Variants in RUVBL2 observed in about 807,000 individuals in gnomAD.
RUVBL2 encodes the protein ruvB-like 2.
A neutral mutation model predicts 57.9 loss-of-function variants in RUVBL2; 9 were observed. The ratio of observed to expected loss-of-function variants is 0.16; its 90% confidence interval spans 0.09 to 0.27. The LOEUF is 0.27. Ranked by LOEUF, RUVBL2 falls within the 10% of genes least tolerant of loss-of-function variation. RUVBL2 has a pLI of 1.00. For missense variants in RUVBL2, 456 were observed against 669.6 expected (o/e 0.68, Z 3.52); for synonymous variants, 278 against 264.6 (o/e 1.05, Z -0.49).
chr19:49,011,054 T>G lies in RUVBL2; in HGVS notation c.843T>G (p.Ala281=). 27 of 1,611,250 alleles carry G rather than the reference T, an allele frequency of 1.7e-5. No individual in the cohort carries two copies. The highest frequency in any genetic ancestry group is 2.3e-5 in the Non-Finnish European group (27 of 1,179,640). Reference sequence around the variant, plus strand: ...GTGAGCAGATCAATGCCAAGGTGGCTGAGTGGCGCGAGGAGGGCAAGGCGG... The same window carrying G: ...GTGAGCAGATCAATGCCAAGGTGGCGGAGTGGCGCGAGGAGGGCAAGGCGG... The part of the protein sequence containing the change: ...EVREQINAKV[A]EWREEGKAEI... The change falls in exon 10 of 15, where the codon GCT becomes GCG. Residue 281 remains alanine, a synonymous_variant. Transcript: ENST00000595090. This position sits in a 1 kb window ranked among gnomAD's most constrained non-coding sequence, Gnocchi z 4.4.
chr19:49,010,057 G>A lies in RUVBL2; in HGVS notation c.654G>A (p.Met218Ile). Residue 218 changes from methionine (M) to isoleucine (I), a missense_variant, in exon 8 of 15, where the codon ATG becomes ATA. Coordinates refer to ENST00000595090, the MANE Select transcript of RUVBL2 (RefSeq NM_006666.3). ...CACGCGCCCGCGACTACGACGCTAT[G>A]GGCTCCCAGGTGCGGCCGGGACTCC... ...SFTRARDYDA[M>I]GSQTKFVQCP... The A allele has an allele frequency of 2.5e-6, 4 of 1,602,202 alleles. No homozygotes were observed. The highest frequency in any genetic ancestry group is 2.6e-6 in the Non-Finnish European group (3 of 1,174,972).
Position 49,000,302 on chromosome 19 carries a change from T to C in RUVBL2, c.67+929T>C, listed in dbSNP as rs367893900. Reference sequence around the variant, plus strand: ...GGGTGCAGTGGCTCATGCCTGTAATTCCAGCACTTTGGAAGGCCAAGGTGG... The same window carrying C: ...GGGTGCAGTGGCTCATGCCTGTAATCCCAGCACTTTGGAAGGCCAAGGTGG... On this transcript the variant is annotated intron_variant, in intron 2 of 14. Coordinates refer to ENST00000595090, the MANE Select transcript of RUVBL2 (RefSeq NM_006666.3). Among the ~76,000 whole-genome samples the C allele has an allele frequency of 4.8e-3, 727 of 152,318 alleles. 5 individuals are homozygous for C. The highest frequency in any genetic ancestry group is 0.016 in the African/African-American group (684 of 41,572).
chr19:49,002,205 C>T (rs1045676326), intron 2 of RUVBL2, among the ~76,000 whole-genome samples: 1 of 151,970 alleles, frequency 6.6e-6, no homozygotes, highest in Non-Finnish European at 1.5e-5. Context: ...CATGCCACCA[C>T]GCCAGGCTAA....
chr19:49,007,375 C>A lies in RUVBL2; in HGVS notation c.462+7C>A. 6.2e-7 allele frequency: 1 copy of A among 1,613,272 alleles called. No homozygotes were observed. Among genetic ancestry groups the A allele is most frequent in the South Asian group, 1.1e-5 (1 of 90,868 alleles). ...TCGACCAGCAACAGGGACGGTGAGT[C>A]TGTGTGAGTCTGTACCCTGCTGAGG... On this transcript the variant is annotated splice_region_variant and intron_variant, in intron 6 of 14. Transcript: ENST00000595090.
intron 8 of RUVBL2, 194 bp downstream of exon 8, chr19:49,010,260 G>A: frequency 4.3e-6 from 3 of 694,190 alleles, no homozygotes; most frequent in South Asian, 3.6e-5. Context: ...ATGGCCACAT[G>A]TGGCCTGTGG....
In RUVBL2 at chr19:49,010,477, C is replaced by CCCCCCCCT; in HGVS notation, c.664-10_664-9insCCCCCCTC. The CCCCCCCCT allele has an allele frequency of 6.3e-7, 1 of 1,575,666 alleles. No homozygotes were observed. Among genetic ancestry groups the CCCCCCCCT allele is most frequent in the Non-Finnish European group, 8.7e-7 (1 of 1,147,990 alleles). On this transcript the variant is annotated splice_polypyrimidine_tract_variant and intron_variant, in intron 8 of 14. Transcript: ENST00000595090. The stretch of plus-strand genomic sequence containing the variant: ...TGTCTCCGCCGTTCTTCCCCCACCC[C>CCCCCCCCT]CGCCCCATAGACCAAGTTCGTGCAG...
intron 1 of RUVBL2, among the ~76,000 whole-genome samples, chr19:48,998,623 CGG>C (rs1214049734): frequency 6.7e-6 from 1 of 148,680 alleles, no homozygotes; most frequent in East Asian, 2.0e-4. Context: ...GCGGGAGAAT[CGG>C]TTAAACCCAG....
At chr19:49,006,411 C>T (rs931870691) in intron 4 of RUVBL2, among the ~76,000 whole-genome samples, 80 of 152,364 alleles carry the variant, frequency 5.3e-4, no homozygotes, top group African/African-American at 1.8e-3. Context: ...TTTCAGGCTG[C>T]GCAACCGTGT....
rs2039378628 is a variant in RUVBL2 at position 49,010,056 on chromosome 19, T to C, written c.653T>C (p.Met218Thr). The C allele has an allele frequency of 6.2e-7, 1 of 1,602,154 alleles. No homozygotes were observed. Among genetic ancestry groups the C allele is most frequent in the Non-Finnish European group, 8.5e-7 (1 of 1,174,982 alleles). Residue 218 changes from methionine to threonine, a missense_variant, in exon 8 of 15, where the codon ATG (methionine) becomes ACG (threonine). Met to Thr is a moderately conservative substitution (Grantham distance 81). This residue lies in a region of RUVBL2 where 233 missense variants were observed against 306.0 expected (regional missense o/e 0.76). Transcript: ENST00000595090. ...SFTRARDYDA[M>T]GSQTKFVQCP... ...ACACGCGCCCGCGACTACGACGCTA[T>C]GGGCTCCCAGGTGCGGCCGGGACTC...
At position 49,011,206 on chromosome 19, in the gene RUVBL2, C is replaced by T. The variant is rs754835279; in HGVS notation, c.897C>T (p.Asp299=). Residue 299 remains aspartate (D), a synonymous_variant, in exon 11 of 15, where the codon GAC becomes GAT. Transcript: ENST00000595090. The surrounding 1 kb of genome is among the most constrained non-coding windows in gnomAD (Gnocchi z 4.4). The part of the protein sequence containing the change: ...AEIIPGVLFI[D]EVHMLDIESF... ...CCCAATCCAAGGTGCTGTTCATCGACGAGGTCCACATGCTGGACATCGAGA... is the reference window on the plus strand; with the variant it reads ...CCCAATCCAAGGTGCTGTTCATCGATGAGGTCCACATGCTGGACATCGAGA... 1.7e-5 allele frequency: 28 copies of T among 1,613,814 alleles called. No individual in the cohort carries two copies. The Middle Eastern group carries it at 4.9e-4, about 28-fold the overall frequency.
intron 8 of RUVBL2, 54 bp downstream of exon 8, chr19:49,010,120 C>G (rs757104939): frequency 1.3e-6 from 2 of 1,483,746 alleles, no homozygotes; most frequent in Admixed American, 1.8e-5. Flanking sequence ...GTGTTTTCAT[C>G]TCCTCCATCA....
At position 49,011,161 on chromosome 19, in the gene RUVBL2, G is replaced by C. The variant is rs774919878; in HGVS notation, c.883-31G>C. On this transcript the variant is annotated intron_variant, in intron 10 of 14. Coordinates refer to ENST00000595090, the MANE Select transcript of RUVBL2 (RefSeq NM_006666.3). This position sits in a 1 kb window ranked among gnomAD's most constrained non-coding sequence, Gnocchi z 4.4. ...GTGGGCCGGGGAAGTGGGGACGCGG[G>C]TGGTGACTCTCACACACACCCCAAT... The C allele has an allele frequency of 1.9e-6, 3 of 1,611,920 alleles. No homozygotes were observed. The Admixed American group carries it at 5.0e-5, about 27-fold the overall frequency.
At chr19:49,002,127 C>T (rs2039196529) in intron 2 of RUVBL2, among the ~76,000 whole-genome samples, 1 of 151,930 alleles carries the variant, frequency 6.6e-6, no homozygotes, top group South Asian at 2.1e-4. Flanking sequence ...CAGTTCACTG[C>T]AACCTCCACC....
At chr19:49,010,455 C>T (rs543724176) in intron 8 of RUVBL2, 33 bp from the exon 9 acceptor site, 2 of 1,604,986 alleles carry the variant, frequency 1.2e-6, no homozygotes, top group East Asian at 2.2e-5. Flanking sequence ...CCTGCCCTGT[C>T]TCCGCCGTTC....
In RUVBL2 at chr19:49,011,115, G is replaced by A. The variant is rs375746995; in HGVS notation, c.882+22G>A. 374 of 1,608,704 alleles carry A rather than the reference G, an allele frequency of 2.3e-4. No individual in the cohort carries two copies. The highest frequency in any genetic ancestry group is 7.9e-4 in the Admixed American group (47 of 59,572). On this transcript the variant is annotated intron_variant, in intron 10 of 14. Coordinates refer to ENST00000595090, the MANE Select transcript of RUVBL2 (RefSeq NM_006666.3). This position sits in a 1 kb window ranked among gnomAD's most constrained non-coding sequence, Gnocchi z 4.4. ...TGGAGTGAGGACCCAGGACATGGCC[G>A]GGGCGGGTGGTGGGGTGGAGGTGGG...
At chr19:49,007,434 A>T in intron 6 of RUVBL2, 66 bp downstream of exon 6, 1 of 1,450,044 alleles carries the variant, frequency 6.9e-7, no homozygotes, top group Non-Finnish European at 9.6e-7. Context: ...GAGAGTAGAT[A>T]TCAGGTCTGC....
intron 6 of RUVBL2, among the ~76,000 whole-genome samples, chr19:49,009,356 G>T (rs112499078): frequency 0.089 from 12,943 of 145,842 alleles, 596 homozygotes; most frequent in Middle Eastern, 0.12. Flanking sequence ...GCGTGGTGGC[G>T]GGCGCCTGTA....
rs1314353931 is a variant in RUVBL2 at position 48,994,133 on chromosome 19, G to C, written c.12+210G>C. On this transcript the variant is annotated intron_variant, in intron 1 of 14. Coordinates refer to ENST00000595090, the MANE Select transcript of RUVBL2 (RefSeq NM_006666.3). ...CTTCTGGATCTGAGGCGGGGAGGGG[G>C]CTGGGATCCCAGAATCTCGGGTCTG... 38 of 495,994 alleles carry C rather than the reference G, an allele frequency of 7.7e-5. 1 individual carries two copies. The highest frequency in any genetic ancestry group is 3.1e-4 in the South Asian group (12 of 38,274). 30.7% of individuals were successfully genotyped at this position (495,994 alleles called of 1,614,324 possible).
At chr19:49,010,467 T>TGGGGGG in intron 8 of RUVBL2, 21 bp from the exon 9 acceptor site, 13 of 1,401,164 alleles carry the variant, frequency 9.3e-6, no homozygotes, top group East Asian at 2.4e-5. Flanking sequence ...CCGCCGTTCT[T>TGGGGGG]CCCCCACCCC....
Sources: gnomAD v4.1 joint callset for allele counts (sites outside exome capture counted in the v4.1 genomes callset) on GRCh38, gnomAD v4.1.1 for gene constraint, gnomAD v4.1.1 regional missense constraint, Gnocchi (gnomAD v3.1) non-coding constraint, MANE v1.5 for transcripts, NCBI Gene and HGNC (gene_info 2026-07-23, HGNC 2026-07-21) for gene names.